CRTC1: variants seen among roughly 807,000 people sequenced by gnomAD.
CRTC1 encodes the protein CREB-regulated transcription coactivator 1.
CRTC1 carries 18 observed loss-of-function variants against 66.1 expected under a neutral mutation model. That is an observed-to-expected ratio of 0.27 (90% confidence interval 0.19 to 0.40). The LOEUF is 0.40. CRTC1 is among the 10% of genes least tolerant of loss of function. The probability of loss-of-function intolerance (pLI) is 1.00; values close to 1 mark genes in which losing one functional copy is unlikely to be tolerated. For synonymous variants in CRTC1, 416 were observed against 398.8 expected (o/e 1.04, Z -0.51); for missense variants, 669 against 887.9 (o/e 0.75, Z 3.13).
At chr19:18,715,410 C>T (rs1419891228) in intron 1 of CRTC1, among the ~76,000 whole-genome samples, 1 of 152,190 alleles carries the variant, frequency 6.6e-6, no homozygotes, top group Non-Finnish European at 1.5e-5. Context: ...CTTCTCTTCT[C>T]TTCTAAAGGC....
intron 1 of CRTC1, among the ~76,000 whole-genome samples, chr19:18,705,794 A>G (rs1410514454): frequency 2.6e-4 from 14 of 54,218 alleles, no homozygotes; most frequent in Admixed American, 2.4e-3. Flanking sequence ...TACTAATCCT[A>G]ATATTTTTTT....
chr19:18,702,675 C>G (rs1473225601), intron 1 of CRTC1, among the ~76,000 whole-genome samples: 1 of 151,210 alleles, frequency 6.6e-6, no homozygotes, highest in African/African-American at 2.4e-5. Flanking sequence ...GCTGGGATTT[C>G]AGGTATGCGC....
At chr19:18,747,253 A>G in intron 4 of CRTC1, 139 bp downstream of exon 4, 3 of 613,246 alleles carry the variant, frequency 4.9e-6, no homozygotes, top group Non-Finnish European at 8.5e-6. Context: ...GTTTCTAGAA[A>G]TTAGCCTTCA....
intron 1 of CRTC1, among the ~76,000 whole-genome samples, chr19:18,721,572 T>G (rs1298950852): frequency 6.9e-6 from 1 of 145,508 alleles, no homozygotes. Flanking sequence ...ATAGCTCACT[T>G]CAACCTCTGC....
intron 8 of CRTC1, among the ~76,000 whole-genome samples, chr19:18,763,367 C>CT (rs1271864398): frequency 6.6e-6 from 1 of 152,196 alleles, no homozygotes; most frequent in Non-Finnish European, 1.5e-5. Context: ...TCCCAAAGTG[C>CT]TGGGATTACA....
At chr19:18,752,240 C>T (rs575676130) in intron 5 of CRTC1, among the ~76,000 whole-genome samples, 9 of 152,186 alleles carry the variant, frequency 5.9e-5, no homozygotes, top group East Asian at 1.9e-4. Flanking sequence ...TGTAGCCTGA[C>T]GCCTCTGAGG....
chr19:18,761,802 G>A (rs1457549210), intron 8 of CRTC1, among the ~76,000 whole-genome samples: 1 of 152,152 alleles, frequency 6.6e-6, no homozygotes, highest in Non-Finnish European at 1.5e-5. Context: ...AGGGTGGCGT[G>A]AATGTTCCTG....
rs536536153 is a variant in CRTC1 at position 18,760,068 on chromosome 19, A to G, written c.726A>G (p.Thr242=). 6.2e-6 allele frequency: 10 copies of G among 1,613,130 alleles called. No homozygotes were observed. The highest frequency in any genetic ancestry group is 2.7e-5 in the African/African-American group (2 of 74,892). The change falls in exon 8 of 14, where the codon ACA becomes ACG. Residue 242 remains threonine, a synonymous_variant. Coordinates refer to ENST00000321949, the MANE Select transcript of CRTC1 (RefSeq NM_015321.3). The surrounding 1 kb of genome is among the most constrained non-coding windows in gnomAD (Gnocchi z 6.2). ...CCCTGATCCCCGCCACCCACAACACAGGGGGGTCCCTGCCCGACCTGACCA... is the reference window on the plus strand; with the variant it reads ...CCCTGATCCCCGCCACCCACAACACGGGGGGGTCCCTGCCCGACCTGACCA... ...TTALIPATHN[T]GGSLPDLTNI...
rs2054872024 is a variant in CRTC1, at chr19:18,771,655, T to TCCTCATGCATCC, written c.1425+111_1425+122dup. 2.5e-6 allele frequency: 2 copies of TCCTCATGCATCC among 798,912 alleles called. No individual in the cohort carries two copies. Among genetic ancestry groups the TCCTCATGCATCC allele is most frequent in the Non-Finnish European group, 4.2e-6 (2 of 481,168 alleles). The allele number at this position is 798,912 out of a possible 1,614,324, so 49.5% of individuals were successfully genotyped here. ...CCTCATGCATCGCTCCTCATGCATGTCCTCATGCATCCCATCCCGTCCACG... is the reference window on the plus strand; with the variant it reads ...CCTCATGCATCGCTCCTCATGCATGTCCTCATGCATCCCCTCATGCATCCCATCCCGTCCACG... On this transcript the variant is annotated intron_variant, in intron 11 of 13. Transcript: ENST00000321949. The surrounding 1 kb of genome is among the most constrained non-coding windows in gnomAD (Gnocchi z 4.6).
intron 2 of CRTC1, among the ~76,000 whole-genome samples, chr19:18,745,095 C>T (rs891702634): frequency 6.6e-6 from 1 of 152,088 alleles, no homozygotes; most frequent in Non-Finnish European, 1.5e-5. Context: ...CTGGCAGCCC[C>T]GGGGGCATGA....
intron 1 of CRTC1, among the ~76,000 whole-genome samples, chr19:18,692,977 A>G (rs1176002599): frequency 6.7e-6 from 1 of 150,126 alleles, no homozygotes; most frequent in Non-Finnish European, 1.5e-5. Context: ...CGGGAGGCTG[A>G]GACAGGAGAA....
chr19:18,698,462 T>C lies in CRTC1; in HGVS notation c.126+14634T>C, dbSNP rs1296314783. Among the ~76,000 whole-genome samples the C allele has an allele frequency of 2.1e-5, 3 of 146,232 alleles. No homozygotes were observed. In the Admixed American group the frequency reaches 2.1e-4, roughly 10 times the overall value. The stretch of plus-strand genomic sequence containing the variant: ...AAGTGCTTAGCAGGTGCACAGTGTG[T>C]ACTCAGCAGGCACTCAGCAGGCACA... On this transcript the variant is annotated intron_variant, in intron 1 of 13. Coordinates refer to ENST00000321949, the MANE Select transcript of CRTC1 (RefSeq NM_015321.3).
chr19:18,745,866 G>A lies in CRTC1; in HGVS notation c.287G>A (p.Arg96Gln), dbSNP rs2054222878. The change falls in exon 3 of 14, where the codon CGG becomes CAG. Residue 96 changes from arginine (R) to glutamine (Q), a missense_variant. Physicochemically the swap from Arg to Gln is conservative, Grantham distance 43. Around this residue, in one of 8 missense-constraint regions of CRTC1, gnomAD observed 214 missense variants for 323.4 expected, o/e 0.66. Coordinates refer to ENST00000321949, the MANE Select transcript of CRTC1 (RefSeq NM_015321.3). ...GGCCTGGACACCAGCCGGACCACCCGGCACCATGGGCTGGTGGACAGGGTG... is the reference window on the plus strand; with the variant it reads ...GGCCTGGACACCAGCCGGACCACCCAGCACCATGGGCTGGTGGACAGGGTG... ...SSGLDTSRTT[R>Q]HHGLVDRVYR... The A allele has an allele frequency of 6.2e-7, 1 of 1,613,702 alleles. No individual in the cohort carries two copies. Among genetic ancestry groups the A allele is most frequent in the Non-Finnish European group, 8.5e-7 (1 of 1,179,942 alleles).
intron 6 of CRTC1, among the ~76,000 whole-genome samples, chr19:18,758,127 C>T (rs1427567506): frequency 1.3e-5 from 2 of 149,432 alleles, no homozygotes; most frequent in East Asian, 2.0e-4. Flanking sequence ...CTTTGGGGGC[C>T]GAGGTGGGCG....
chr19:18,769,704 G>A (rs1276300865), intron 10 of CRTC1, among the ~76,000 whole-genome samples: 1 of 152,158 alleles, frequency 6.6e-6, no homozygotes, highest in Non-Finnish European at 1.5e-5. Flanking sequence ...CCTTGGAGCT[G>A]GGTGGTTCTT....
intron 1 of CRTC1, among the ~76,000 whole-genome samples, chr19:18,727,271 G>A (rs1293507966): frequency 6.7e-6 from 1 of 148,282 alleles, no homozygotes; most frequent in Non-Finnish European, 1.5e-5. Flanking sequence ...GCAAAACAGA[G>A]GCACAGGGAC....
chr19:18,737,064 G>A (rs2054012519), intron 1 of CRTC1, among the ~76,000 whole-genome samples: 1 of 152,126 alleles, frequency 6.6e-6, no homozygotes, highest in African/African-American at 2.4e-5. Flanking sequence ...CCCTACCTAG[G>A]GGCTCCTGCT....
In CRTC1 at chr19:18,747,134, C is replaced by CCCCCCCCCCCCCCCCCCCT; in HGVS notation, c.443+25_443+26insCCCCCCCCCCCCCTCCCCC. 1 of 835,320 alleles carries CCCCCCCCCCCCCCCCCCCT rather than the reference C, an allele frequency of 1.2e-6. No individual in the cohort carries two copies. The highest frequency in any genetic ancestry group is 1.9e-6 in the Non-Finnish European group (1 of 534,148). 51.7% of individuals were successfully genotyped at this position (835,320 alleles called of 1,614,324 possible). On this transcript the variant is annotated intron_variant, in intron 4 of 13. Transcript: ENST00000321949. ...GAGAAGGTCAGTGGCTGGACACCCC[C>CCCCCCCCCCCCCCCCCCCT]CCCCCGCCCCCTTCTTGTTGGAAAC...
In CRTC1 at chr19:18,777,773, G is replaced by C; in HGVS notation, c.*391G>C. ...CGCGCATGGTCCGCCAGGGCTGTGG[G>C]CCGTGGCGCATTTTCCGACTGTTTG... is the stretch of plus-strand genomic sequence containing the variant. On this transcript the variant is annotated 3_prime_UTR_variant, in exon 14 of 14. Transcript: ENST00000321949. The surrounding 1 kb of genome is among the most constrained non-coding windows in gnomAD (Gnocchi z 5.5). 1 of 322,134 alleles carries C rather than the reference G, an allele frequency of 3.1e-6. No individual in the cohort carries two copies. Among genetic ancestry groups the C allele is most frequent in the South Asian group, 4.3e-5 (1 of 23,508 alleles). The allele number at this position is 322,134 out of a possible 1,614,324, so 20.0% of individuals were successfully genotyped here.
Sources: gnomAD v4.1 joint callset for allele counts (sites outside exome capture counted in the v4.1 genomes callset) on GRCh38, gnomAD v4.1.1 for gene constraint, gnomAD v4.1.1 regional missense constraint, Gnocchi (gnomAD v3.1) non-coding constraint, MANE v1.5 for transcripts, NCBI Gene and HGNC (gene_info 2026-07-23, HGNC 2026-07-21) for gene names.